The following DNAH17 variants were observed in gnomAD, a reference collection of about 807,000 sequenced individuals.
DNAH17 encodes axonemal beta dynein heavy chain 17.
A neutral mutation model predicts 485.6 loss-of-function variants in DNAH17; 376 were observed. The ratio of observed to expected loss-of-function variants is 0.77; its 90% CI spans 0.71 to 0.84. DNAH17 has a LOEUF of 0.84. DNAH17 is among the 40% of genes least tolerant of loss of function. DNAH17 has a pLI of 0.00. For missense variants in DNAH17, 6,370 were observed against 5,839.3 expected (o/e 1.09, Z -2.96); for synonymous variants, 3,031 against 2,405.9 (o/e 1.26, Z -7.60).
At chr17:78,456,541 C>A (rs961230400) in intron 62 of DNAH17, among the ~76,000 whole-genome samples, 9 of 152,168 alleles carry the variant, frequency 5.9e-5, no homozygotes, top group Non-Finnish European at 1.5e-5. Context: ...GGCCACAGAA[C>A]AATGTGGCAT....
rs375012517 is a variant in DNAH17 at position 78,514,870 on chromosome 17, G to A, written c.4017C>T (p.Thr1339=). 166 of 1,614,034 alleles carry A rather than the reference G, an allele frequency of 1.0e-4. 1 individual carries two copies. Among genetic ancestry groups the A allele is most frequent in the Middle Eastern group, 8.2e-4 (5 of 6,062 alleles). The part of the protein sequence containing the change: ...TWDAFVGLDN[T]VKNVITSLRA... ...GCAGGGACGTGATCACGTTTTTCAC[G>A]GTGTTGTCGAGCCCCACGAAGGCAT... The change falls in exon 26 of 81, where the codon ACC becomes ACT. Residue 1339 remains threonine (T), a synonymous_variant. Coordinates refer to ENST00000389840, the MANE Select transcript of DNAH17 (RefSeq NM_173628.4).
In DNAH17 at chr17:78,506,992, C is replaced by T. The variant is rs890036888; in HGVS notation, c.4677-146G>A. 3.9e-5 allele frequency: 49 copies of T among 1,243,958 alleles called. No individual in the cohort carries two copies. The African/African-American group carries it at 4.1e-4, about 10-fold the overall frequency. The allele number at this position is 1,243,958 out of a possible 1,614,324, so 77.1% of individuals were successfully genotyped here. A position where few individuals can be genotyped will look rare whatever the true frequency, so the allele number is the denominator to read the frequency against. ...CCTGGTTTAATTCAGAATCTCCTAC[C>T]GGAGGCTCTCGTTTCTTTGCCATCC... On this transcript the variant is annotated intron_variant, in intron 29 of 80. Coordinates refer to ENST00000389840, the MANE Select transcript of DNAH17 (RefSeq NM_173628.4).
intron 55 of DNAH17, 63 bp downstream of exon 55, chr17:78,468,554 T>C (rs983709516): frequency 2.1e-5 from 33 of 1,545,344 alleles, no homozygotes; most frequent in Non-Finnish European, 2.6e-5. Flanking sequence ...CAAAAACCCA[T>C]ACCCTGTAGG....
intron 32 of DNAH17, 37 bp downstream of exon 32, chr17:78,502,849 G>T (rs374720140): frequency 3.1e-5 from 50 of 1,605,562 alleles, no homozygotes; most frequent in African/African-American, 5.4e-5. Context: ...CCTTATCTCA[G>T]CCACGAGGCG....
At chr17:78,466,167 C>T (rs2088442549) in intron 56 of DNAH17, among the ~76,000 whole-genome samples, 1 of 152,198 alleles carries the variant, frequency 6.6e-6, no homozygotes, top group South Asian at 2.1e-4. Flanking sequence ...GTGCTGTGTC[C>T]ACTCAGGGTT....
At chr17:78,453,214 T>C in intron 65 of DNAH17, 129 bp downstream of exon 65, 1 of 1,299,954 alleles carries the variant, frequency 7.7e-7, no homozygotes, top group Non-Finnish European at 1.0e-6. Context: ...AGCAGGCACT[T>C]TGTCAAAGCC....
intron 75 of DNAH17, 54 bp downstream of exon 75, chr17:78,433,975 A>AGGAGGGAGGGAAGGAGGGAAAGAG (rs1242210841): frequency 7.2e-7 from 1 of 1,386,468 alleles, no homozygotes; most frequent in Non-Finnish European, 9.7e-7. Flanking sequence ...GAGGGAGGGA[A>AGGAGGGAGGGAAGGAGGGAAAGAG]GGAGGGAAAG....
intron 57 of DNAH17, 76 bp downstream of exon 57, chr17:78,462,768 T>A: frequency 6.9e-7 from 1 of 1,448,914 alleles, no homozygotes; most frequent in South Asian, 1.2e-5. Flanking sequence ...AGCCCGTGGA[T>A]GCCTGTGACA....
At chr17:78,502,176 TATAA>T (rs2081338090) in intron 33 of DNAH17, 2 of 415,488 alleles carry the variant, frequency 4.8e-6, no homozygotes, top group African/African-American at 4.0e-5. Flanking sequence ...TATTTTTACA[TATAA>T]ATCAATTATA....
chr17:78,428,340 C>T lies in DNAH17; in HGVS notation c.12588+185G>A, dbSNP rs187481781. On this transcript the variant is annotated intron_variant, in intron 77 of 80. Transcript: ENST00000389840. ...GCTCACCCGAAGCCTGCAGCTGCCA[C>T]GTCTGAGGACCTGCTGACCAGCCTG... The T allele has an allele frequency of 1.9e-3, 1,311 of 703,390 alleles. 25 individuals carry two copies. In the Admixed American group the frequency reaches 0.025, roughly 14 times the overall value. 43.6% of individuals were successfully genotyped at this position (703,390 alleles called of 1,614,324 possible). A position where few individuals can be genotyped will look rare whatever the true frequency, so the allele number is the denominator to read the frequency against.
At chr17:78,530,584 T>C in intron 20 of DNAH17, 72 bp from the exon 21 acceptor site, 2 of 1,516,542 alleles carry the variant, frequency 1.3e-6, no homozygotes, top group Non-Finnish European at 1.8e-6. Context: ...AGGGCCTCAG[T>C]CCAGGGCCTT....
At chr17:78,576,789 T>A (rs2092439161) in intron 1 of DNAH17, among the ~76,000 whole-genome samples, 1 of 152,120 alleles carries the variant, frequency 6.6e-6, no homozygotes, top group Non-Finnish European at 1.5e-5. Context: ...GTGGGCTGCC[T>A]CCCAAGCCAT....
In DNAH17 at chr17:78,425,501, T is replaced by TG. The variant is rs1555648070; in HGVS notation, c.12985dup (p.Gln4329ProfsTer65). 6.2e-7 allele frequency: 1 copy of TG among 1,613,764 alleles called. No individual in the cohort carries two copies. Among genetic ancestry groups the TG allele is most frequent in the African/African-American group, 1.3e-5 (1 of 74,998 alleles). ...CTGCATGATGGCCGTGAGGAACGAC[T>TG]GGGGGTTGAAGAAGCCGGCCAGCCA... On this transcript the variant is annotated frameshift_variant, in exon 80 of 81. Coordinates refer to ENST00000389840, the MANE Select transcript of DNAH17 (RefSeq NM_173628.4). LOFTEE classifies it high-confidence loss of function.
At chr17:78,572,635 G>A in intron 3 of DNAH17, 66 bp downstream of exon 3, 1 of 1,370,766 alleles carries the variant, frequency 7.3e-7, no homozygotes, top group Non-Finnish European at 9.8e-7. Context: ...GTGGGGTGGG[G>A]GGTGGGGGTC....
chr17:78,574,713 C>T lies in DNAH17; in HGVS notation c.345G>A (p.Glu115=), dbSNP rs1488194182. 6.3e-7 allele frequency: 1 copy of T among 1,597,644 alleles called. No individual in the cohort carries two copies. Among genetic ancestry groups the T allele is most frequent in the Non-Finnish European group, 8.5e-7 (1 of 1,169,906 alleles). ...PVDQLIAVVE[E]VLSSLLNQSE... is the part of the protein sequence containing the mutation. Reference sequence around the variant, plus strand: ...CGGATGGCAGCCTGGACGCACTCACCTCCTCCACCACCGCGATCAGCTGGT... The same window carrying T: ...CGGATGGCAGCCTGGACGCACTCACTTCCTCCACCACCGCGATCAGCTGGT... Residue 115 remains glutamate (E), a splice_region_variant and synonymous_variant, in exon 2 of 81, where the codon GAG becomes GAA. Coordinates refer to ENST00000389840, the MANE Select transcript of DNAH17 (RefSeq NM_173628.4).
At chr17:78,432,396 GCA>G (rs2086707239) in intron 75 of DNAH17, among the ~76,000 whole-genome samples, 2 of 200 alleles carry the variant, frequency 0.01, no homozygotes, top group Admixed American at 0.1. Context: ...CCGGCAGACA[GCA>G]GAGGCTGCCT....
chr17:78,499,913 T>A (rs555873810), intron 36 of DNAH17: 259 of 168,168 alleles, frequency 1.5e-3, no homozygotes, highest in African/African-American at 5.6e-3. Context: ...TAATGACTGA[T>A]GGGACCGGGC....
intron 75 of DNAH17, among the ~76,000 whole-genome samples, chr17:78,430,050 CCCTT>C (rs2086620427): frequency 6.6e-6 from 1 of 152,220 alleles, no homozygotes; most frequent in African/African-American, 2.4e-5. Flanking sequence ...CGTTCCCACT[CCCTT>C]CATGCTTCCT....
chr17:78,450,502 G>A, intron 67 of DNAH17, 108 bp from the exon 68 acceptor site: 5 of 1,482,874 alleles, frequency 3.4e-6, no homozygotes, highest in Non-Finnish European at 3.6e-6. Flanking sequence ...CCACCCAAGG[G>A]CTCTCAGCAG....
Sources: allele counts gnomAD v4.1 joint callset (sites outside exome capture counted in the v4.1 genomes callset), GRCh38; gene constraint gnomAD v4.1.1; transcripts MANE v1.5; gene names NCBI Gene and HGNC (gene_info 2026-07-23, HGNC 2026-07-21).